The following TVP23A variants were observed in gnomAD, a reference collection of about 807,000 sequenced individuals.
The protein encoded by TVP23A is Golgi apparatus membrane protein TVP23 homolog A.
Under a neutral mutation model 31.7 loss-of-function variants are expected in TVP23A, and 21 were observed. That is an observed-to-expected ratio of 0.66 (90% CI 0.47 to 0.95). The LOEUF is 0.95. Among genes scored for constraint, TVP23A ranks in the 40% least tolerant of loss-of-function variants. The pLI is 0.00. For missense variants in TVP23A, 279 were observed against 255.6 expected, an observed-to-expected ratio of 1.09 and a Z score of -0.62; for synonymous variants, 104 against 96.0, an observed-to-expected ratio of 1.08 and a Z score of -0.49.
chr16:10,801,007 T>G (rs1416672188), intron 2 of TVP23A, among the ~76,000 whole-genome samples: 3 of 152,016 alleles, frequency 2.0e-5, no homozygotes, highest in African/African-American at 7.2e-5. Flanking sequence ...TATACTTTGT[T>G]AAAAAAACAG....
intron 2 of TVP23A, among the ~76,000 whole-genome samples, chr16:10,815,422 AAAAAC>A (rs1188175407): frequency 6.6e-6 from 1 of 152,154 alleles, no homozygotes; most frequent in Non-Finnish European, 1.5e-5. Flanking sequence ...AAACAAAAAC[AAAAAC>A]AAAACAAAAC....
downstream of TVP23A, among the ~76,000 whole-genome samples, chr16:10,758,202 G>A (rs1212342728): frequency 1.3e-5 from 2 of 152,206 alleles, no homozygotes; most frequent in Non-Finnish European, 2.9e-5. Context: ...CCAGCACAGT[G>A]ATTCACACCT....
chr16:10,757,551 C>T, downstream of TVP23A, among the ~76,000 whole-genome samples: 1 of 152,132 alleles, frequency 6.6e-6, no homozygotes, highest in Non-Finnish European at 1.5e-5. The surrounding 1 kb of genome is among the most constrained non-coding windows in gnomAD (Gnocchi z 4.1). Flanking sequence ...CACAAGATGC[C>T]AGTAGCACCC....
At chr16:10,762,749 G>A (rs746516866), downstream of TVP23A, among the ~76,000 whole-genome samples, 5 of 152,032 alleles carry the variant, frequency 3.3e-5, no homozygotes, top group East Asian at 2.0e-4. Context: ...TGTCTGTGCC[G>A]GGACAGGAGA....
chr16:10,773,197 T>A (rs547939555), intron 5 of TVP23A, 116 bp downstream of exon 5: 5 of 1,345,638 alleles, frequency 3.7e-6, no homozygotes, highest in Admixed American at 5.5e-5. Flanking sequence ...TATATCTCAA[T>A]AAACTTGTTA....
chr16:10,785,161 T>G (rs746596409), intron 2 of TVP23A, among the ~76,000 whole-genome samples: 10 of 150,426 alleles, frequency 6.6e-5, no homozygotes, highest in Non-Finnish European at 4.4e-5. Flanking sequence ...TCCCAGCACT[T>G]TGGGAGGCCA....
At chr16:10,764,180 G>A (rs533467065), downstream of TVP23A, among the ~76,000 whole-genome samples, 2 of 152,320 alleles carry the variant, frequency 1.3e-5, no homozygotes, top group East Asian at 1.9e-4. Flanking sequence ...CAGCCCACGG[G>A]AGCATCCCAG....
Position 10,767,554 on chromosome 16 carries a change from C to T in TVP23A, c.*1548G>A, listed in dbSNP as rs2031084201. 2.2e-6 allele frequency: 1 copy of T among 451,610 alleles called. No homozygotes were observed. Among genetic ancestry groups the T allele is most frequent in the South Asian group, 6.6e-5 (1 of 15,114 alleles). 28.0% of individuals were successfully genotyped at this position (451,610 alleles called of 1,614,324 possible). On this transcript the variant is annotated 3_prime_UTR_variant, in exon 8 of 8. Transcript: ENST00000299866. This position sits in a 1 kb window ranked among gnomAD's most constrained non-coding sequence, Gnocchi z 4.6. Reference sequence around the variant, plus strand: ...GGAAAGACACCTAGAACACTAGTAGCCCTTTTCGGACTTGGCCTTTTATGC... The same window carrying T: ...GGAAAGACACCTAGAACACTAGTAGTCCTTTTCGGACTTGGCCTTTTATGC...
intron 2 of TVP23A, among the ~76,000 whole-genome samples, chr16:10,804,319 G>A (rs531192474): frequency 6.6e-6 from 1 of 152,228 alleles, no homozygotes; most frequent in Non-Finnish European, 1.5e-5. Flanking sequence ...CTGGGGTTGG[G>A]GGCTGCAACC....
intron 2 of TVP23A, among the ~76,000 whole-genome samples, chr16:10,809,673 T>G (rs2034105167): frequency 6.6e-6 from 1 of 152,194 alleles, no homozygotes; most frequent in African/African-American, 2.4e-5. Context: ...TATTTGCACC[T>G]GCCAGCTTGG....
At position 10,767,036 on chromosome 16, in the gene TVP23A, C is replaced by T; in HGVS notation, c.*2066G>A. 2.5e-6 allele frequency: 1 copy of T among 398,746 alleles called. No homozygotes were observed. 24.7% of individuals were successfully genotyped at this position (398,746 alleles called of 1,614,324 possible). A position where few individuals can be genotyped will look rare whatever the true frequency, so the allele number is the denominator to read the frequency against. ...GACTTCCCTGTCCCACAGGGCGACA[C>T]AGTAGTGAAGTTGAGGAAATGATGA... On this transcript the variant is annotated 3_prime_UTR_variant, in exon 8 of 8. Coordinates refer to ENST00000299866, the MANE Select transcript of TVP23A (RefSeq NM_001079512.4). This position sits in a 1 kb window ranked among gnomAD's most constrained non-coding sequence, Gnocchi z 4.6.
chr16:10,816,141 C>T (rs529410757), intron 2 of TVP23A, among the ~76,000 whole-genome samples: 1 of 150,328 alleles, frequency 6.7e-6, no homozygotes, highest in Admixed American at 6.7e-5. Context: ...GCAGGAGGAA[C>T]TCTTGAACCC....
Position 10,783,741 on chromosome 16 carries a change from T to A in TVP23A, c.90-8645A>T, listed in dbSNP as rs112139274. 4.6e-3 allele frequency among the ~76,000 whole-genome samples: 693 copies of A among 152,228 alleles called. 1 individual carries two copies. Among genetic ancestry groups the A allele is most frequent in the African/African-American group, 0.016 (651 of 41,532 alleles). On this transcript the variant is annotated intron_variant, in intron 2 of 7. Transcript: ENST00000299866. ...ACCATGGTACATCCAGACAACAGAA[T>A]GTTATTCAGCGCTAAAAAGAAATGA...
Position 10,767,151 on chromosome 16 carries a change from A to C in TVP23A, c.*1951T>G. On this transcript the variant is annotated 3_prime_UTR_variant, in exon 8 of 8. Coordinates refer to ENST00000299866, the MANE Select transcript of TVP23A (RefSeq NM_001079512.4). The surrounding 1 kb of genome is among the most constrained non-coding windows in gnomAD (Gnocchi z 4.6). ...CACTTGCCTGTTTCGCCAGCAGCTC[A>C]GGCCTGGGGAGTGGGCAGAGCAAGC... is the stretch of plus-strand genomic sequence containing the variant. 1 of 398,946 alleles carries C rather than the reference A, an allele frequency of 2.5e-6. No homozygotes were observed. The highest frequency in any genetic ancestry group is 4.4e-6 in the Non-Finnish European group (1 of 226,320). The allele number at this position is 398,946 out of a possible 1,614,324, so 24.7% of individuals were successfully genotyped here.
chr16:10,769,196 T>G (rs1243201372), intron 7 of TVP23A, 95 bp from the exon 8 acceptor site: 1 of 1,183,270 alleles, frequency 8.5e-7, no homozygotes, highest in Non-Finnish European at 1.3e-6. Flanking sequence ...CGGGATGGGG[T>G]GGGTCACAGC....
intron 7 of TVP23A, 128 bp from the exon 8 acceptor site, chr16:10,769,229 G>C (rs2031345584): frequency 1.3e-6 from 1 of 746,514 alleles, no homozygotes; most frequent in Non-Finnish European, 2.3e-6. Context: ...TGCTGGTGTG[G>C]TCCGAAGCCA....
chr16:10,789,264 G>C (rs776850256), intron 2 of TVP23A, among the ~76,000 whole-genome samples: 1 of 152,128 alleles, frequency 6.6e-6, no homozygotes, highest in Non-Finnish European at 1.5e-5. Flanking sequence ...GGAAGCACCT[G>C]GAAAGGGAAG....
chr16:10,773,271 C>T, intron 5 of TVP23A, 42 bp downstream of exon 5: 1 of 1,546,808 alleles, frequency 6.5e-7, no homozygotes, highest in South Asian at 1.2e-5. Context: ...ACTTTTTTTG[C>T]AGAGACATCA....
At chr16:10,790,578 C>A (rs1225432255) in intron 2 of TVP23A, among the ~76,000 whole-genome samples, 4 of 152,110 alleles carry the variant, frequency 2.6e-5, no homozygotes, top group Non-Finnish European at 5.9e-5. Context: ...AGCCACTGCG[C>A]CCGACCATCT....
Sources: gnomAD v4.1 joint callset for allele counts (sites outside exome capture counted in the v4.1 genomes callset) on GRCh38, gnomAD v4.1.1 for gene constraint, Gnocchi (gnomAD v3.1) non-coding constraint, MANE v1.5 for transcripts, NCBI Gene and HGNC (gene_info 2026-07-23, HGNC 2026-07-21) for gene names.